The following LRP1B variants were observed in gnomAD, a reference collection of about 807,000 sequenced individuals.
LRP1B encodes LDL receptor related protein 1B.
Under a neutral mutation model 556.6 loss-of-function variants are expected in LRP1B, and 217 were observed. That is an observed-to-expected ratio of 0.39 (90% confidence interval 0.35 to 0.44). The LOEUF (loss-of-function observed/expected upper bound fraction) is 0.44, where lower values mean the gene tolerates loss of function less well. LRP1B is among the 20% of genes least tolerant of loss of function. The pLI, the probability that LRP1B is intolerant of heterozygous loss-of-function variation, is 1.00. For missense variants in LRP1B, 5,053 were observed against 5,620.8 expected, an observed-to-expected ratio of 0.90 and a Z score of 3.23; for synonymous variants, 2,047 against 1,865.8, an observed-to-expected ratio of 1.10 and a Z score of -2.50.
intron 2 of LRP1B, among the ~76,000 whole-genome samples, chr2:141,517,516 C>A (rs1315004496): frequency 6.6e-6 from 1 of 152,112 alleles, no homozygotes; most frequent in East Asian, 1.9e-4. Context: ...AATACTGGAC[C>A]TGATTATAGA....
At chr2:141,784,784 A>G (rs1411611602) in intron 2 of LRP1B, among the ~76,000 whole-genome samples, 1 of 151,980 alleles carries the variant, frequency 6.6e-6, no homozygotes, top group Admixed American at 6.6e-5. Flanking sequence ...TATTAATAAC[A>G]TGACACTCCA....
rs187955566 is a variant in LRP1B, at chr2:141,308,833, T to C, written c.344-54192A>G. Reference sequence around the variant, plus strand: ...TCACTTAGGTCCATACACTAACATGTTACCAAATAGCCTTTTTGTCCCATA... The same window carrying C: ...TCACTTAGGTCCATACACTAACATGCTACCAAATAGCCTTTTTGTCCCATA... On this transcript the variant is annotated intron_variant, in intron 3 of 90. Coordinates refer to ENST00000389484, the MANE Select transcript of LRP1B (RefSeq NM_018557.3). 1.6e-3 allele frequency among the ~76,000 whole-genome samples: 241 copies of C among 152,280 alleles called. 1 individual carries two copies. The highest frequency in any genetic ancestry group is 5.3e-3 in the African/African-American group (221 of 41,572).
intron 35 of LRP1B, among the ~76,000 whole-genome samples, chr2:140,768,884 C>T (rs1038660511): frequency 1.3e-5 from 2 of 151,672 alleles, no homozygotes; most frequent in African/African-American, 4.8e-5. Context: ...GATCAAAATG[C>T]TTTGTATGTC....
At chr2:140,617,769 T>C (rs974545796) in intron 41 of LRP1B, among the ~76,000 whole-genome samples, 2 of 152,050 alleles carry the variant, frequency 1.3e-5, no homozygotes, top group Admixed American at 6.6e-5. Flanking sequence ...AGTTCTATTT[T>C]GAGAAATCTA....
intron 3 of LRP1B, among the ~76,000 whole-genome samples, chr2:141,446,570 G>A (rs1469944183): frequency 1.3e-5 from 2 of 152,084 alleles, no homozygotes; most frequent in Non-Finnish European, 2.9e-5. Flanking sequence ...TCCATATTTA[G>A]TGCTTCCTTC....
At chr2:140,480,423 A>G (rs2105354950) in intron 59 of LRP1B, among the ~76,000 whole-genome samples, 1 of 152,266 alleles carries the variant, frequency 6.6e-6, no homozygotes, top group Middle Eastern at 3.4e-3. Context: ...CAAATTCAAA[A>G]CATGACCTAC....
intron 20 of LRP1B, among the ~76,000 whole-genome samples, chr2:140,927,512 C>T (rs1322626033): frequency 6.6e-6 from 1 of 152,024 alleles, no homozygotes; most frequent in African/African-American, 2.4e-5. Flanking sequence ...AAATAGAATT[C>T]ATTCATATAA....
rs538947938 is a variant in LRP1B at position 141,420,228 on chromosome 2, C to T, written c.343+60168G>A. 1.7e-3 allele frequency among the ~76,000 whole-genome samples: 258 copies of T among 152,254 alleles called. 1 individual carries two copies. Among genetic ancestry groups the T allele is most frequent in the Non-Finnish European group, 3.0e-3 (207 of 68,026 alleles). ...ACACATTTATAATTGTTATATTTTG[C>T]TGATGAGTTGACCATTTTATAATTA... On this transcript the variant is annotated intron_variant, in intron 3 of 90. Coordinates refer to ENST00000389484, the MANE Select transcript of LRP1B (RefSeq NM_018557.3).
intron 35 of LRP1B, among the ~76,000 whole-genome samples, chr2:140,725,424 G>A (rs1325642834): frequency 6.7e-6 from 1 of 149,658 alleles, no homozygotes; most frequent in Non-Finnish European, 1.5e-5. Context: ...AGAATTTCTG[G>A]AAACATGTCA....
At chr2:140,735,677 T>C (rs1307198986) in intron 35 of LRP1B, among the ~76,000 whole-genome samples, 1 of 152,116 alleles carries the variant, frequency 6.6e-6, no homozygotes, top group Non-Finnish European at 1.5e-5. Context: ...TGCTAGTACT[T>C]CCCTTGTGCT....
At chr2:141,556,816 T>G (rs1454693301) in intron 2 of LRP1B, among the ~76,000 whole-genome samples, 11 of 151,774 alleles carry the variant, frequency 7.2e-5, no homozygotes, top group Non-Finnish European at 1.5e-4. Context: ...CAATAGTATC[T>G]CTGTTTTAGA....
chr2:141,573,143 A>G (rs1398294200), intron 2 of LRP1B, among the ~76,000 whole-genome samples: 3 of 152,228 alleles, frequency 2.0e-5, no homozygotes, highest in Admixed American at 6.5e-5. Context: ...AATAGACTAT[A>G]CATTCTTCTT....
At chr2:140,450,516 G>T in intron 63 of LRP1B, 52 bp downstream of exon 63, 1 of 1,352,356 alleles carries the variant, frequency 7.4e-7, no homozygotes, top group Non-Finnish European at 1.1e-6. Flanking sequence ...TTCCAGGTCT[G>T]GGATATAAGG....
chr2:140,728,727 GT>G (rs1270632692), intron 35 of LRP1B, among the ~76,000 whole-genome samples: 1 of 152,026 alleles, frequency 6.6e-6, no homozygotes, highest in Non-Finnish European at 1.5e-5. Flanking sequence ...TACTTAAAAG[GT>G]TTAATGAATA....
At chr2:141,767,321 G>A (rs1206807061) in intron 2 of LRP1B, among the ~76,000 whole-genome samples, 1 of 152,032 alleles carries the variant, frequency 6.6e-6, no homozygotes, top group Non-Finnish European at 1.5e-5. Flanking sequence ...TTAAGAGATA[G>A]CTTACATAAG....
intron 41 of LRP1B, among the ~76,000 whole-genome samples, chr2:140,611,666 T>G (rs1393522715): frequency 6.6e-6 from 1 of 152,076 alleles, no homozygotes; most frequent in Non-Finnish European, 1.5e-5. Context: ...CAGTGTGCTT[T>G]GACATTGAAC....
intron 23 of LRP1B, among the ~76,000 whole-genome samples, chr2:140,901,559 G>T (rs1301906260): frequency 6.6e-6 from 1 of 152,052 alleles, no homozygotes; most frequent in African/African-American, 2.4e-5. Context: ...ATTTATCCTT[G>T]TGTTACAAAC....
chr2:140,464,646 T>A (rs72899862), intron 60 of LRP1B, among the ~76,000 whole-genome samples: 23,545 of 152,232 alleles, frequency 0.15, 2,292 homozygotes, highest in Non-Finnish European at 0.22. Flanking sequence ...GTAAAGTATA[T>A]TCCTTTTGCT....
At chr2:142,094,317 T>C (rs1019522901) in intron 1 of LRP1B, among the ~76,000 whole-genome samples, 1 of 152,100 alleles carries the variant, frequency 6.6e-6, no homozygotes, top group African/African-American at 2.4e-5. Context: ...TGATTATGAC[T>C]TAATGTGTGA....
Sources: gnomAD v4.1 joint callset for allele counts (sites outside exome capture counted in the v4.1 genomes callset) on GRCh38, gnomAD v4.1.1 for gene constraint, MANE v1.5 for transcripts, NCBI Gene and HGNC (gene_info 2026-07-23, HGNC 2026-07-21) for gene names.